RP1: variants seen among roughly 807,000 people sequenced by gnomAD.
The protein encoded by RP1 is RP1 axonemal microtubule associated, also known as oxygen-regulated protein 1.
In RP1, 16 loss-of-function variants were observed where a neutral mutation model predicts 14.8. That is an observed-to-expected ratio of 1.08 (90% CI 0.73 to 1.65). The LOEUF (loss-of-function observed/expected upper bound fraction) is 1.65. Ranked by LOEUF, RP1 falls within the 40% of genes most tolerant of loss-of-function variation. RP1 has a pLI of 0.00. For missense variants in RP1, 2,631 were observed against 2,535.0 expected, an observed-to-expected ratio of 1.04 and a Z score of -0.81; for synonymous variants, 876 against 883.6, an observed-to-expected ratio of 0.99 and a Z score of 0.15.
At chr8:54,830,261 T>TGTCATAAA (rs1390678120) in intron 24 of RP1, among the ~76,000 whole-genome samples, 1 of 152,104 alleles carries the variant, frequency 6.6e-6, no homozygotes, top group Non-Finnish European at 1.5e-5. Flanking sequence ...AATTGACTCT[T>TGTCATAAA]GTCATAAAAT....
At chr8:54,725,945 C>A (rs1808644208) in intron 16 of RP1, among the ~76,000 whole-genome samples, 1 of 152,098 alleles carries the variant, frequency 6.6e-6, no homozygotes, top group South Asian at 2.1e-4. Context: ...TTTGTTGATT[C>A]ATGTATTTCA....
chr8:54,663,736 A>G lies in RP1; in HGVS notation c.1209A>G (p.Leu403=), dbSNP rs758812520. Residue 403 remains leucine, a synonymous_variant, in exon 7 of 23, where the codon CTA becomes CTG. Transcript: ENST00000636932. ...AAGTGAATGTGGCAACGGGTGAGCT[A>G]TGGAATGCTGGAACAGTAGCAAACG... is the stretch of plus-strand genomic sequence containing the variant. The G allele has an allele frequency of 2.6e-6, 4 of 1,533,766 alleles. No individual in the cohort carries two copies. In the South Asian group the frequency reaches 3.6e-5, roughly 14 times the overall value.
In RP1 at chr8:54,639,072, C is replaced by T. The variant is rs189286108; in HGVS notation, c.788-9913C>T. Among the ~76,000 whole-genome samples, 203 of 152,190 alleles carry T rather than the reference C, an allele frequency of 1.3e-3. 1 individual carries two copies. The highest frequency in any genetic ancestry group is 2.3e-3 in the South Asian group (11 of 4,824). On this transcript the variant is annotated intron_variant, in intron 3 of 22. Transcript: ENST00000636932. The stretch of plus-strand genomic sequence containing the variant: ...TCACTCAAAAAAGGACTTTTTATTT[C>T]CCTTTATAGCCAGTCCCTTCTCCCC...
At position 54,626,314 on chromosome 8, in the gene RP1, A is replaced by C; in HGVS notation, c.2432A>C (p.Lys811Thr). 6.2e-7 allele frequency: 1 copy of C among 1,613,572 alleles called. No individual in the cohort carries two copies. The highest frequency in any genetic ancestry group is 8.5e-7 in the Non-Finnish European group (1 of 1,179,752). ...VFPHNESKYC[K>T]STFENKSLFH... ...CCTCACAATGAATCTAAATATTGCA[A>C]AAGTACTTTTGAAAACAAAAGTTTA... Residue 811 changes from lysine (K) to threonine (T), a missense_variant, in exon 4 of 4, where the codon AAA becomes ACA. Transcript: ENST00000220676.
At chr8:54,707,228 A>ATCCTCCTGCCTCAGTC (rs1340594160) in intron 15 of RP1, among the ~76,000 whole-genome samples, 1 of 152,072 alleles carries the variant, frequency 6.6e-6, no homozygotes, top group African/African-American at 2.4e-5. Context: ...AGCTCAGGTG[A>ATCCTCCTGCCTCAGTC]TCCTCCTGCC....
Position 54,630,145 on chromosome 8 carries a change from G to A in RP1, c.6263G>A (p.Arg2088Lys). 6.2e-7 allele frequency: 1 copy of A among 1,613,816 alleles called. No homozygotes were observed. ...GSRTNLNQVV[R>K]ENINCHYFFE... ...AGAACAAATCTCAACCAAGTAGTAA[G>A]AGAAAATATCAACTGTCATTACTTC... is the stretch of plus-strand genomic sequence containing the variant. Residue 2088 changes from arginine (R) to lysine (K), a missense_variant, in exon 4 of 4, where the codon AGA becomes AAA. Arg to Lys is a conservative substitution (Grantham distance 26). Coordinates refer to ENST00000220676, the MANE Select transcript of RP1 (RefSeq NM_006269.2).
chr8:54,694,980 C>T (rs1342569003), intron 12 of RP1, among the ~76,000 whole-genome samples: 1 of 152,102 alleles, frequency 6.6e-6, no homozygotes, highest in African/African-American at 2.4e-5. Context: ...TCCCTCTACA[C>T]ACTGCTTTGA....
chr8:54,667,409 A>C (rs1807043445), intron 7 of RP1, among the ~76,000 whole-genome samples: 1 of 152,152 alleles, frequency 6.6e-6, no homozygotes, highest in African/African-American at 2.4e-5. Flanking sequence ...GATAGTTTGG[A>C]AGCCTGGAAA....
chr8:54,834,311 T>C (rs540266224), intron 24 of RP1, among the ~76,000 whole-genome samples: 1 of 152,076 alleles, frequency 6.6e-6, no homozygotes, highest in East Asian at 1.9e-4. Context: ...GGTTCCGGAG[T>C]AGGAGAATAT....
chr8:54,837,709 T>G, intron 25 of RP1: 1 of 1,113,706 alleles, frequency 9.0e-7, no homozygotes. Flanking sequence ...TATTGAAAAT[T>G]AAAATAATTG....
At chr8:54,691,214 A>C (rs2129339384) in intron 12 of RP1, among the ~76,000 whole-genome samples, 1 of 152,184 alleles carries the variant, frequency 6.6e-6, no homozygotes, top group East Asian at 1.9e-4. Context: ...GGTGATGAGG[A>C]CTTTGAGTAC....
chr8:54,567,253 A>T (rs186312820), intron 1 of RP1, among the ~76,000 whole-genome samples: 1 of 152,206 alleles, frequency 6.6e-6, no homozygotes, highest in East Asian at 1.9e-4. Context: ...CAGTCGCGGA[A>T]TGTGCACTGT....
intron 1 of RP1, among the ~76,000 whole-genome samples, chr8:54,564,585 G>C (rs1463351448): frequency 6.6e-6 from 1 of 152,210 alleles, no homozygotes; most frequent in Non-Finnish European, 1.5e-5. Flanking sequence ...GCTCATAGAA[G>C]CGGTGGACTC....
At chr8:54,589,631 G>C (rs1264791133) in intron 1 of RP1, among the ~76,000 whole-genome samples, 1 of 152,094 alleles carries the variant, frequency 6.6e-6, no homozygotes, top group Non-Finnish European at 1.5e-5. Context: ...CACTTTGCTG[G>C]CCCTCCCACT....
At chr8:54,762,548 G>A (rs1809666221) in intron 22 of RP1, among the ~76,000 whole-genome samples, 1 of 152,140 alleles carries the variant, frequency 6.6e-6, no homozygotes, top group African/African-American at 2.4e-5. Context: ...CTGGAGGTTT[G>A]GCTATTTGAG....
In RP1 at chr8:54,576,346, G is replaced by A. The variant is rs533297526; in HGVS notation, c.-13+17026G>A. ...AGGCGTGAGCCACCGCGCCCGGCCA[G>A]AACATGTCAGACTCTTAACACTGAT... On this transcript the variant is annotated intron_variant, in intron 1 of 22. Coordinates refer to the RP1 transcript ENST00000636932. Among the ~76,000 whole-genome samples, 9 of 150,546 alleles carry A rather than the reference G, an allele frequency of 6.0e-5. No homozygotes were observed. The East Asian group carries it at 1.4e-3, about 23-fold the overall frequency.
intron 5 of RP1, among the ~76,000 whole-genome samples, chr8:54,653,061 G>A (rs1006082514): frequency 6.6e-6 from 1 of 151,952 alleles, no homozygotes; most frequent in African/African-American, 2.4e-5. Flanking sequence ...CCTTAACCAA[G>A]CAATTCTTTC....
chr8:54,725,301 T>TAA lies in RP1; in HGVS notation c.2390-1042_2390-1041dup, dbSNP rs558357535. ...TATTTCTATCTTCTTTTTAATGTTTTAAAGTTCCTTTATTATCGATTTTTA... is the reference window on the plus strand; with the variant it reads ...TATTTCTATCTTCTTTTTAATGTTTTAAAAAGTTCCTTTATTATCGATTTTTA... On this transcript the variant is annotated intron_variant, in intron 16 of 22. Coordinates refer to the RP1 transcript ENST00000636932. Among the ~76,000 whole-genome samples the TAA allele has an allele frequency of 5.5e-3, 835 of 152,328 alleles. 9 individuals are homozygous for TAA. The highest frequency in any genetic ancestry group is 0.018 in the African/African-American group (753 of 41,572).
In RP1 at chr8:54,626,006, T is replaced by A; in HGVS notation, c.2124T>A (p.Ile708=). 1 of 1,613,882 alleles carries A rather than the reference T, an allele frequency of 6.2e-7. No individual in the cohort carries two copies. ...KNERINTKGR[I]TKEMIVQDSD... is the part of the protein sequence containing the mutation. Reference sequence around the variant, plus strand: ...AGAGAATAAACACAAAAGGTAGAATTACAAAGGAAATGATAGTGCAAGATT... The same window carrying A: ...AGAGAATAAACACAAAAGGTAGAATAACAAAGGAAATGATAGTGCAAGATT... The change falls in exon 4 of 4, where the codon ATT becomes ATA. Residue 708 remains isoleucine (I), a synonymous_variant. Coordinates refer to ENST00000220676, the MANE Select transcript of RP1 (RefSeq NM_006269.2).
Sources: gnomAD v4.1 joint callset for allele counts (sites outside exome capture counted in the v4.1 genomes callset) on GRCh38, gnomAD v4.1.1 for gene constraint, MANE v1.5 for transcripts, NCBI Gene and HGNC (gene_info 2026-07-23, HGNC 2026-07-21) for gene names.